Variants in NF1 observed in about 807,000 individuals in gnomAD.
NF1 encodes neurofibromin 1.
A neutral mutation model predicts 325.7 loss-of-function variants in NF1; 122 were observed. That is an observed-to-expected ratio of 0.37 (90% confidence interval 0.32 to 0.44). NF1 has a LOEUF of 0.44. Ranked by LOEUF, NF1 falls within the 20% of genes least tolerant of loss-of-function variation. The pLI is 1.00. For missense variants in NF1, 2,140 were observed against 3,415.4 expected, an observed-to-expected ratio of 0.63 and a Z score of 9.31; for synonymous variants, 1,091 against 1,186.0, an observed-to-expected ratio of 0.92 and a Z score of 1.65.
intron 36 of NF1, among the ~76,000 whole-genome samples, chr17:31,289,607 T>C (rs1325026056): frequency 2.0e-5 from 3 of 152,166 alleles, no homozygotes; most frequent in Non-Finnish European, 4.4e-5. Context: ...ATTTTTCTAA[T>C]ATTTGCGTTT....
At chr17:31,199,940 A>T (rs1363794244) in intron 8 of NF1, among the ~76,000 whole-genome samples, 2 of 152,160 alleles carry the variant, frequency 1.3e-5, no homozygotes, top group African/African-American at 4.8e-5. Context: ...GTTCAAGACC[A>T]GCTTGGCCAA....
intron 1 of NF1, among the ~76,000 whole-genome samples, chr17:31,122,466 G>A (rs1248531498): frequency 2.0e-5 from 3 of 152,150 alleles, no homozygotes; most frequent in Admixed American, 6.5e-5. Context: ...TTTATCTTTG[G>A]AGACCCTTCT....
At chr17:31,125,882 G>T (rs1914842341) in intron 1 of NF1, among the ~76,000 whole-genome samples, 1 of 152,150 alleles carries the variant, frequency 6.6e-6, no homozygotes, top group Non-Finnish European at 1.5e-5. Flanking sequence ...ACTCCCAACT[G>T]CAATATAGAA....
intron 12 of NF1, among the ~76,000 whole-genome samples, chr17:31,209,829 T>C (rs1225224365): frequency 2.6e-5 from 4 of 152,118 alleles, no homozygotes; most frequent in Non-Finnish European, 5.9e-5. Flanking sequence ...TTTTGTGTTT[T>C]TAGTAGACCA....
At chr17:31,295,948 C>G in intron 36 of NF1, 2 of 1,613,928 alleles carry the variant, frequency 1.2e-6, no homozygotes, top group Non-Finnish European at 1.7e-6. Flanking sequence ...TAGAAACATC[C>G]AGATATTTAA....
intron 35 of NF1, among the ~76,000 whole-genome samples, chr17:31,264,574 A>G (rs530469472): frequency 1.7e-3 from 264 of 152,290 alleles, no homozygotes; most frequent in African/African-American, 6.2e-3. Flanking sequence ...TTCCCTAGAA[A>G]CTGAGCTCAG....
intron 16 of NF1, among the ~76,000 whole-genome samples, chr17:31,224,693 A>G (rs1161629496): frequency 2.6e-5 from 4 of 152,164 alleles, no homozygotes; most frequent in African/African-American, 9.7e-5. Context: ...TTACTGGTCC[A>G]GAAGAACTTA....
Position 31,340,543 on chromosome 17 carries a change from G to T in NF1, c.6960G>T (p.Val2320=). The change falls in exon 47 of 58, where the codon GTG becomes GTT. Residue 2320 remains valine (V), a synonymous_variant. Transcript: ENST00000358273. ...ACAAAGCCCTCTTTTGGGTAGCTGT[G>T]GCTGTGCTGCAGCTTGATGAGGTCA... ...PLHKALFWVA[V]AVLQLDEVNL... 1 of 1,614,046 alleles carries T rather than the reference G, an allele frequency of 6.2e-7. No individual in the cohort carries two copies. The highest frequency in any genetic ancestry group is 8.5e-7 in the Non-Finnish European group (1 of 1,180,008).
rs114460420 is a variant in NF1, at chr17:31,241,335, C to A, written c.3974+5314C>A. ...ACGTCTTTTGATTGGAGAATTTAGTCCATTTACATTCAGTGTTATTATTGA... is the reference window on the plus strand; with the variant it reads ...ACGTCTTTTGATTGGAGAATTTAGTACATTTACATTCAGTGTTATTATTGA... On this transcript the variant is annotated intron_variant, in intron 29 of 57. Coordinates refer to ENST00000358273, the MANE Select transcript of NF1 (RefSeq NM_001042492.3). Among the ~76,000 whole-genome samples the A allele has an allele frequency of 9.5e-3, 1,440 of 152,206 alleles. 24 individuals carry two copies. Among genetic ancestry groups the A allele is most frequent in the African/African-American group, 0.033 (1,357 of 41,528 alleles).
In NF1 at chr17:31,224,956, A is replaced by G. The variant is rs2066986447; in HGVS notation, c.1846-139A>G. 3 of 820,664 alleles carry G rather than the reference A, an allele frequency of 3.7e-6. No individual in the cohort carries two copies. In the East Asian group the frequency reaches 7.5e-5, roughly 20 times the overall value. 50.8% of individuals were successfully genotyped at this position (820,664 alleles called of 1,614,324 possible). A position where few individuals can be genotyped will look rare whatever the true frequency, so the allele number is the denominator to read the frequency against. On this transcript the variant is annotated intron_variant, in intron 16 of 57. Coordinates refer to ENST00000358273, the MANE Select transcript of NF1 (RefSeq NM_001042492.3). The stretch of plus-strand genomic sequence containing the variant: ...GTTTGTTCTAATGGGTTTCTAGTGA[A>G]TCTCCTTCAAGTTGGGGCATAGAGA...
intron 1 of NF1, among the ~76,000 whole-genome samples, chr17:31,115,836 G>GCA (rs1421948640): frequency 1.3e-5 from 2 of 152,204 alleles, no homozygotes; most frequent in Non-Finnish European, 2.9e-5. Flanking sequence ...TTCAGAATAT[G>GCA]TTGGTGCCAG....
chr17:31,226,532 C>G lies in NF1; in HGVS notation c.2099C>G (p.Thr700Ser), dbSNP rs1446159048. Residue 700 changes from threonine (T) to serine (S), a missense_variant, in exon 18 of 58, where the codon ACT becomes AGT. By Grantham distance (58) the Thr-to-Ser change is moderately conservative (BLOSUM62 1). Coordinates refer to ENST00000358273, the MANE Select transcript of NF1 (RefSeq NM_001042492.3). ...TACATGTTTCTGTGGAACCCTGACA[C>G]TGAAGCTGTTCTGGTTGCCATGTCC... ...ALYMFLWNPDTEAVLVAMSCF... is the reference protein window; with the variant it reads ...ALYMFLWNPDSEAVLVAMSCF... 6.2e-7 allele frequency: 1 copy of G among 1,613,918 alleles called. No individual in the cohort carries two copies. The highest frequency in any genetic ancestry group is 8.5e-7 in the Non-Finnish European group (1 of 1,179,818).
At chr17:31,321,956 A>G (rs945580859) in intron 36 of NF1, 1 of 152,226 alleles carries the variant, frequency 6.6e-6, no homozygotes, top group African/African-American at 2.4e-5. Flanking sequence ...GACTGATTTG[A>G]AAATGTGAGT....
Position 31,336,674 on chromosome 17 carries a change from T to C in NF1, c.6187T>C (p.Leu2063=), listed in dbSNP as rs995296114. 1 of 1,613,936 alleles carries C rather than the reference T, an allele frequency of 6.2e-7. No homozygotes were observed. Among genetic ancestry groups the C allele is most frequent in the African/African-American group, 1.3e-5 (1 of 75,014 alleles). ...GTGCAAAATAATTGACAAGACATGC[T>C]TATCTCCAACTCCTACTTTAGAACA... is the stretch of plus-strand genomic sequence containing the variant. ...RMCKIIDKTC[L]SPTPTLEQHL... is the part of the protein sequence containing the mutation. Residue 2063 remains leucine, a synonymous_variant, in exon 42 of 58, where the codon TTA becomes CTA. Transcript: ENST00000358273. This position sits in a 1 kb window ranked among gnomAD's most constrained non-coding sequence, Gnocchi z 5.5.
intron 36 of NF1, among the ~76,000 whole-genome samples, chr17:31,290,742 A>G (rs1022717615): frequency 5.9e-5 from 9 of 152,178 alleles, no homozygotes. Context: ...ACGGTGGCTC[A>G]CGCCTGTAAT....
chr17:31,184,902 C>T (rs999624728), intron 8 of NF1, among the ~76,000 whole-genome samples: 1 of 152,078 alleles, frequency 6.6e-6, no homozygotes, highest in African/African-American at 2.4e-5. Flanking sequence ...AAAGTGTGGG[C>T]ATTGATTGGA....
intron 1 of NF1, among the ~76,000 whole-genome samples, chr17:31,130,741 T>C (rs986471914): frequency 1.3e-5 from 2 of 152,024 alleles, no homozygotes; most frequent in African/African-American, 4.8e-5. Context: ...TGCAGTGGCA[T>C]GGGAGGGTGC....
In NF1 at chr17:31,357,250, C is replaced by T. The variant is rs542314717; in HGVS notation, c.7870-19C>T. On this transcript the variant is annotated intron_variant, in intron 53 of 57. Coordinates refer to ENST00000358273, the MANE Select transcript of NF1 (RefSeq NM_001042492.3). ...ACAAAGTAAAAATGTTGTGTGTTTA[C>T]TTTTTTGCATCTTGGCAGGCTACAC... is the stretch of plus-strand genomic sequence containing the variant. The T allele has an allele frequency of 3.8e-5, 62 of 1,611,058 alleles. No individual in the cohort carries two copies. In the South Asian group the frequency reaches 4.1e-4, roughly 11 times the overall value.
At chr17:31,264,360 G>A (rs2067748577) in intron 35 of NF1, among the ~76,000 whole-genome samples, 1 of 150,876 alleles carries the variant, frequency 6.6e-6, no homozygotes, top group South Asian at 2.1e-4. Context: ...GCAGTGAGCC[G>A]AGATCGTGCC....
Sources: gnomAD v4.1 joint callset for allele counts (sites outside exome capture counted in the v4.1 genomes callset) on GRCh38, gnomAD v4.1.1 for gene constraint, Gnocchi (gnomAD v3.1) non-coding constraint, MANE v1.5 for transcripts, NCBI Gene and HGNC (gene_info 2026-07-23, HGNC 2026-07-21) for gene names.